Variants in AIM2 observed in about 807,000 individuals in gnomAD.
The protein encoded by AIM2 is interferon-inducible protein AIM2.
In AIM2, 30 loss-of-function variants were observed where a neutral mutation model predicts 27.7. The observed-to-expected ratio is 1.08, with a 90% CI of 0.81 to 1.47. The LOEUF (loss-of-function observed/expected upper bound fraction) is 1.47, where lower values mean the gene tolerates loss of function less well. AIM2 is among the 40% of genes most tolerant of loss of function. AIM2 has a pLI of 0.00. For missense variants in AIM2, 358 were observed against 411.3 expected, an observed-to-expected ratio of 0.87 and a Z score of 1.12; for synonymous variants, 141 against 145.3, an observed-to-expected ratio of 0.97 and a Z score of 0.21.
chr1:159,059,805 A>G (rs1158501364), downstream of AIM2, among the ~76,000 whole-genome samples: 2 of 152,176 alleles, frequency 1.3e-5, no homozygotes, highest in East Asian at 3.8e-4. Flanking sequence ...CCCTCTGCTC[A>G]AAAGAATTTG....
At chr1:159,127,305 T>C (rs1030983404) in intron 1 of AIM2, among the ~76,000 whole-genome samples, 1 of 152,228 alleles carries the variant, frequency 6.6e-6, no homozygotes, top group Non-Finnish European at 1.5e-5. Flanking sequence ...AAAAAATTAA[T>C]GTAACCCAAA....
At chr1:159,080,797 C>T (rs1159706145), upstream of AIM2, among the ~76,000 whole-genome samples, 1 of 152,134 alleles carries the variant, frequency 6.6e-6, no homozygotes, top group Non-Finnish European at 1.5e-5. Context: ...AAGAACAGTT[C>T]TGATATGCCT....
the AIM2 span, among the ~76,000 whole-genome samples, chr1:159,055,375 G>A: frequency 9.9e-5 from 15 of 152,166 alleles, no homozygotes; most frequent in Non-Finnish European, 1.9e-4. Flanking sequence ...TCCAGTTTGT[G>A]GTTCAGTTGC....
chr1:159,083,599 A>ATTTAGCTCTACTAAAT (rs1557899324), intron 1 of AIM2, among the ~76,000 whole-genome samples: 3 of 152,222 alleles, frequency 2.0e-5, no homozygotes, highest in Admixed American at 6.5e-5. Context: ...ATTCTATACC[A>ATTTAGCTCTACTAAAT]TTTAGCTCTA....
chr1:159,104,539 A>G (rs1657386163), intron 1 of AIM2, among the ~76,000 whole-genome samples: 1 of 152,222 alleles, frequency 6.6e-6, no homozygotes, highest in Non-Finnish European at 1.5e-5. Flanking sequence ...TCAAATTGAG[A>G]TGTGCTGTAA....
intron 1 of AIM2, among the ~76,000 whole-genome samples, chr1:159,101,207 T>C (rs1657306706): frequency 6.6e-6 from 1 of 152,090 alleles, no homozygotes; most frequent in Non-Finnish European, 1.5e-5. Context: ...GGGTGGTTTC[T>C]CCATGCTGTT....
intron 3 of AIM2, among the ~76,000 whole-genome samples, 163 bp downstream of exon 3, chr1:159,068,405 T>G (rs1656204004): frequency 6.6e-6 from 1 of 152,242 alleles, no homozygotes; most frequent in African/African-American, 2.4e-5. Flanking sequence ...ATCTGATGAA[T>G]CAAAGGTAGT....
intron 1 of AIM2, among the ~76,000 whole-genome samples, chr1:159,102,965 T>C (rs1657348237): frequency 6.6e-6 from 1 of 152,164 alleles, no homozygotes; most frequent in South Asian, 2.1e-4. Flanking sequence ...TTTTCAAACA[T>C]GAGGACATGA....
upstream of AIM2, among the ~76,000 whole-genome samples, chr1:159,141,496 G>T (rs546222781): frequency 6.6e-5 from 10 of 152,186 alleles, no homozygotes; most frequent in Admixed American, 5.9e-4. Flanking sequence ...GAAGGTCCAG[G>T]ATTCTCAAGG....
chr1:159,076,483 T>C (rs963249137), intron 1 of AIM2, 150 bp downstream of exon 1: 2 of 152,174 alleles, frequency 1.3e-5, no homozygotes, highest in African/African-American at 4.8e-5. Context: ...AAAAGAGAAA[T>C]GAACCCATCC....
chr1:159,099,743 G>A (rs1385712905), intron 1 of AIM2, among the ~76,000 whole-genome samples: 1 of 152,100 alleles, frequency 6.6e-6, no homozygotes, highest in Non-Finnish European at 1.5e-5. Flanking sequence ...AAAGCCAGAG[G>A]ATCACTTATT....
At chr1:159,136,182 C>T (rs1238640413) in intron 1 of AIM2, among the ~76,000 whole-genome samples, 4 of 152,082 alleles carry the variant, frequency 2.6e-5, no homozygotes, top group Non-Finnish European at 4.4e-5. Flanking sequence ...ACTAGGACTC[C>T]GCTTGAAGAA....
chr1:159,126,589 C>T (rs1262114614), intron 1 of AIM2, among the ~76,000 whole-genome samples: 1 of 143,202 alleles, frequency 7.0e-6, no homozygotes, highest in Non-Finnish European at 1.5e-5. Context: ...GCGAAGCTTG[C>T]AGTGAGCCGA....
At chr1:159,125,040 T>C (rs1004728683) in intron 1 of AIM2, among the ~76,000 whole-genome samples, 1 of 152,218 alleles carries the variant, frequency 6.6e-6, no homozygotes, top group Non-Finnish European at 1.5e-5. Flanking sequence ...GAGACAGCGA[T>C]AGCAGTGTCC....
chr1:159,124,566 C>T (rs1339312344), intron 1 of AIM2, among the ~76,000 whole-genome samples: 18 of 152,190 alleles, frequency 1.2e-4, no homozygotes, highest in Non-Finnish European at 1.5e-5. Context: ...ATAGGGCAAC[C>T]AGATGCAAAC....
At chr1:159,134,858 T>C (rs1647984388) in intron 1 of AIM2, among the ~76,000 whole-genome samples, 1 of 152,114 alleles carries the variant, frequency 6.6e-6, no homozygotes, top group African/African-American at 2.4e-5. Context: ...AAAAAAGCCC[T>C]TCATGCACGG....
intron 3 of AIM2, 58 bp from the exon 4 acceptor site, chr1:159,066,387 C>A: frequency 4.6e-6 from 7 of 1,517,746 alleles, no homozygotes; most frequent in Non-Finnish European, 6.2e-6. Flanking sequence ...ATTGAAAGGA[C>A]CTTACTTCAC....
At position 159,063,505 on chromosome 1, in the gene AIM2, C is replaced by T. The variant is rs759649002; in HGVS notation, c.986G>A (p.Gly329Glu). Residue 329 changes from glycine to glutamate, a missense_variant, in exon 5 of 6, where the codon GGA (glycine) becomes GAA (glutamate). Physicochemically the swap from Gly to Glu is moderately conservative, Grantham distance 98. Coordinates refer to ENST00000368130, the MANE Select transcript of AIM2 (RefSeq NM_004833.3). ...TCCCACCTTTATGGTGCTATGAACT[C>T]CAGATGTCAGCTGTAGTTTTTCTCC... is the stretch of plus-strand genomic sequence containing the variant. ...KNGEKLQLTS[G>E]VHSTIKVIKA... 3 of 1,613,756 alleles carry T rather than the reference C, an allele frequency of 1.9e-6. No individual in the cohort carries two copies. The South Asian group carries it at 3.3e-5, about 18-fold the overall frequency.
chr1:159,066,831 G>C (rs1448878960), intron 3 of AIM2, among the ~76,000 whole-genome samples: 1 of 152,166 alleles, frequency 6.6e-6, no homozygotes, highest in African/African-American at 2.4e-5. Context: ...ACAAAATGCA[G>C]ATTACATTTA....
Sources: allele counts gnomAD v4.1 joint callset (sites outside exome capture counted in the v4.1 genomes callset), GRCh38; gene constraint gnomAD v4.1.1; transcripts MANE v1.5; gene names NCBI Gene and HGNC (gene_info 2026-07-23, HGNC 2026-07-21).